The following BCAS3 variants were observed in gnomAD, a reference collection of about 807,000 sequenced individuals.
The protein encoded by BCAS3 is BCAS3 microtubule associated cell migration factor.
BCAS3 carries 53 observed loss-of-function variants against 116.1 expected under a neutral mutation model. The observed-to-expected ratio is 0.46, with a 90% confidence interval of 0.37 to 0.57. The LOEUF is 0.57. BCAS3 is among the 20% of genes least tolerant of loss of function. The probability of loss-of-function intolerance (pLI) is 0.00; values close to 1 mark genes in which losing one functional copy is unlikely to be tolerated. For synonymous variants in BCAS3, 391 were observed against 408.2 expected, an observed-to-expected ratio of 0.96 and a Z score of 0.51; for missense variants, 917 against 1,165.4, an observed-to-expected ratio of 0.79 and a Z score of 3.10.
chr17:61,045,823 TTCTCTCTCTCTCTC>T (rs1182475386), intron 19 of BCAS3, among the ~76,000 whole-genome samples: 1 of 34,628 alleles, frequency 2.9e-5, no homozygotes, highest in Non-Finnish European at 4.2e-5. Context: ...TCATCTCTCT[TTCTCTCTCTCTCTC>T]TCTCTCTCTC....
At chr17:60,821,368 T>C (rs949559944) in intron 7 of BCAS3, among the ~76,000 whole-genome samples, 2 of 152,200 alleles carry the variant, frequency 1.3e-5, no homozygotes, top group African/African-American at 4.8e-5. Flanking sequence ...ATTGTATAAT[T>C]GAAATTCAAT....
chr17:61,074,269 G>A (rs2071739005), intron 19 of BCAS3, among the ~76,000 whole-genome samples: 1 of 151,892 alleles, frequency 6.6e-6, no homozygotes, highest in Admixed American at 6.6e-5. Flanking sequence ...TTAGAGACAT[G>A]GAGACAGACA....
At position 60,994,434 on chromosome 17, in the gene BCAS3, C is replaced by G. The variant is rs1445903556; in HGVS notation, c.1486+4199C>G. 6.6e-6 allele frequency among the ~76,000 whole-genome samples: 1 copy of G among 152,104 alleles called. No homozygotes were observed. Among genetic ancestry groups the G allele is most frequent in the African/African-American group, 2.4e-5 (1 of 41,418 alleles). On this transcript the variant is annotated intron_variant, in intron 15 of 23. Transcript: ENST00000407086. The surrounding 1 kb of genome is among the most constrained non-coding windows in gnomAD (Gnocchi z 4.4). ...GGCTTCCCCAGACTGTCCAAATAGT[C>G]TGTGATACAAAAATGGTTAAGAATC...
Position 61,315,409 on chromosome 17 carries a change from G to A in BCAS3, c.2426-52918G>A, listed in dbSNP as rs918206224. On this transcript the variant is annotated intron_variant, in intron 22 of 23. Transcript: ENST00000407086. This position sits in a 1 kb window ranked among gnomAD's most constrained non-coding sequence, Gnocchi z 5.3. The stretch of plus-strand genomic sequence containing the variant: ...GCTGGGATTACAGGTGTGAGCCACC[G>A]CGCCCAGCCAACGCACTCCTGTTCT... 7.9e-5 allele frequency among the ~76,000 whole-genome samples: 12 copies of A among 152,152 alleles called. No individual in the cohort carries two copies. The highest frequency in any genetic ancestry group is 1.7e-4 in the African/African-American group (7 of 41,440).
At chr17:61,086,640 C>T (rs1043551139) in intron 22 of BCAS3, 5 of 976,730 alleles carry the variant, frequency 5.1e-6, no homozygotes, top group Non-Finnish European at 6.1e-6. Context: ...CCTGAAAGTA[C>T]CCATCTTTTG....
chr17:60,842,766 T>A (rs954178050), intron 7 of BCAS3, among the ~76,000 whole-genome samples: 2 of 152,166 alleles, frequency 1.3e-5, no homozygotes, highest in African/African-American at 4.8e-5. Flanking sequence ...ACCATTGTAC[T>A]GAAAATGAAT....
chr17:60,681,211 A>T (rs77009689), intron 2 of BCAS3, among the ~76,000 whole-genome samples: 7,473 of 152,178 alleles, frequency 0.049, 243 homozygotes, highest in Non-Finnish European at 0.072. Context: ...TCTTAAAAAA[A>T]ATATATGTCT....
intron 16 of BCAS3, among the ~76,000 whole-genome samples, chr17:61,031,176 C>G (rs554841886): frequency 6.6e-5 from 10 of 151,564 alleles, no homozygotes; most frequent in Non-Finnish European, 1.3e-4. Context: ...ATGTTGAGAA[C>G]AAGAGAGAAA....
chr17:61,060,671 AT>A (rs2069921633), intron 19 of BCAS3, among the ~76,000 whole-genome samples: 1 of 152,240 alleles, frequency 6.6e-6, no homozygotes, highest in Non-Finnish European at 1.5e-5. Flanking sequence ...TAAAAAAATT[AT>A]TGGAGAAACG....
chr17:61,078,197 T>C lies in BCAS3; in HGVS notation c.2131-136T>C. ...TGTGATTATCATCACCTTTTAATTA[T>C]GGGTGTCCTATCCCTTTGCCACTTT... On this transcript the variant is annotated intron_variant, in intron 20 of 23. Coordinates refer to ENST00000407086, the MANE Select transcript of BCAS3 (RefSeq NM_017679.5). The C allele has an allele frequency of 4.7e-6, 3 of 641,526 alleles. No individual in the cohort carries two copies. In the South Asian group the frequency reaches 6.2e-5, roughly 13 times the overall value. The allele number at this position is 641,526 out of a possible 1,614,324, so 39.7% of individuals were successfully genotyped here.
chr17:60,703,314 C>T (rs972486944), intron 4 of BCAS3, among the ~76,000 whole-genome samples: 7 of 151,944 alleles, frequency 4.6e-5, no homozygotes, highest in Admixed American at 1.3e-4. Flanking sequence ...TTAGGCCAGG[C>T]GCGGTGGCTC....
chr17:60,856,689 C>CA (rs1218799915), intron 7 of BCAS3, among the ~76,000 whole-genome samples: 1 of 150,466 alleles, frequency 6.6e-6, no homozygotes, highest in Non-Finnish European at 1.5e-5. Context: ...AGACTGTCTC[C>CA]AAAAAAATAA....
At chr17:60,747,705 C>T (rs1250818578) in intron 6 of BCAS3, among the ~76,000 whole-genome samples, 1 of 152,096 alleles carries the variant, frequency 6.6e-6, no homozygotes, top group Non-Finnish European at 1.5e-5. Flanking sequence ...TGCCCTCCTT[C>T]TCAGTTATAC....
At chr17:61,336,878 C>T (rs925149322) in intron 22 of BCAS3, among the ~76,000 whole-genome samples, 1 of 152,054 alleles carries the variant, frequency 6.6e-6, no homozygotes, top group African/African-American at 2.4e-5. Flanking sequence ...TTTGGGAGGC[C>T]AAGGCGGGCA....
At chr17:60,953,023 C>T (rs761504068) in intron 14 of BCAS3, among the ~76,000 whole-genome samples, 5 of 151,276 alleles carry the variant, frequency 3.3e-5, no homozygotes, top group African/African-American at 4.9e-5. Context: ...CATTGATAGG[C>T]GTTTAGGTTG....
intron 4 of BCAS3, among the ~76,000 whole-genome samples, chr17:60,694,175 C>T (rs1223776279): frequency 2.0e-5 from 3 of 149,632 alleles, no homozygotes; most frequent in African/African-American, 5.1e-5. Flanking sequence ...CGTGAGCCAC[C>T]GCGCCCGGCC....
chr17:60,977,197 G>A (rs1369956575), intron 14 of BCAS3, among the ~76,000 whole-genome samples: 2 of 152,112 alleles, frequency 1.3e-5, no homozygotes, highest in Non-Finnish European at 2.9e-5. Flanking sequence ...TTTTAGAGAT[G>A]GAGTCTCTAA....
At chr17:60,945,529 G>T (rs2060439078) in intron 13 of BCAS3, among the ~76,000 whole-genome samples, 1 of 152,180 alleles carries the variant, frequency 6.6e-6, no homozygotes, top group South Asian at 2.1e-4. Context: ...GGCCTGGCAT[G>T]GTAGTTCACG....
Position 61,032,046 on chromosome 17 carries a change from A to AT in BCAS3, c.1638-2614dup, listed in dbSNP as rs1056272809. Reference sequence around the variant, plus strand: ...CTAAACTAGTAAACATACAAAAAATATTTTTTGTATGTCAAAAAACTAAAT... The same window carrying AT: ...CTAAACTAGTAAACATACAAAAAATATTTTTTTGTATGTCAAAAAACTAAAT... On this transcript the variant is annotated intron_variant, in intron 16 of 23. Coordinates refer to ENST00000407086, the MANE Select transcript of BCAS3 (RefSeq NM_017679.5). The surrounding 1 kb of genome is among the most constrained non-coding windows in gnomAD (Gnocchi z 4.6). 1.3e-5 allele frequency among the ~76,000 whole-genome samples: 2 copies of AT among 152,196 alleles called. No individual in the cohort carries two copies. Among genetic ancestry groups the AT allele is most frequent in the African/African-American group, 2.4e-5 (1 of 41,544 alleles).
Sources: allele counts gnomAD v4.1 joint callset (sites outside exome capture counted in the v4.1 genomes callset), GRCh38; gene constraint gnomAD v4.1.1; non-coding constraint Gnocchi (gnomAD v3.1); transcripts MANE v1.5; gene names NCBI Gene and HGNC (gene_info 2026-07-23, HGNC 2026-07-21).